VWC2L: variants seen among roughly 807,000 people sequenced by gnomAD.
VWC2L encodes the protein von Willebrand factor C domain containing 2 like.
In VWC2L, 10 loss-of-function variants were observed where a neutral mutation model predicts 21.6. The observed-to-expected ratio is 0.46, with a 90% CI of 0.29 to 0.78. The LOEUF is 0.78. VWC2L is among the 30% of genes least tolerant of loss of function. The pLI is 0.10. For synonymous variants in VWC2L, 96 were observed against 94.3 expected (o/e 1.02, Z -0.10); for missense variants, 209 against 277.1 (o/e 0.75, Z 1.74).
chr2:214,565,985 A>G lies in VWC2L; in HGVS notation c.521-9687A>G, dbSNP rs562302336. ...CCTTTTACTCCTATCTCTTTGAACC[A>G]CAGTGTTCTCAGCTGTAAAATGGGT... On this transcript the variant is annotated intron_variant, in intron 3 of 3. Coordinates refer to ENST00000312504, the MANE Select transcript of VWC2L (RefSeq NM_001080500.4). Among the ~76,000 whole-genome samples, 5 of 152,292 alleles carry G rather than the reference A, an allele frequency of 3.3e-5. No individual in the cohort carries two copies. The South Asian group carries it at 8.3e-4, about 25-fold the overall frequency.
rs574887926 is a variant in VWC2L, at chr2:214,577,184, AG to A, written c.*1367del. The A allele has an allele frequency of 5.4e-3, 829 of 152,268 alleles. 3 individuals are homozygous for A. Among genetic ancestry groups the A allele is most frequent in the Admixed American group, 7.9e-3 (121 of 15,294 alleles). The allele number at this position is 152,268 out of a possible 1,614,324, so 9.4% of individuals were successfully genotyped here. A position where few individuals can be genotyped will look rare whatever the true frequency, so the allele number is the denominator to read the frequency against. On this transcript the variant is annotated 3_prime_UTR_variant, in exon 4 of 4. Transcript: ENST00000312504. ...CTAAAAACCCTGGCACAGATCTGAT[AG>A]GGTCCTTGAAGAGACTTTACAGTTG...
chr2:214,523,496 CA>C (rs906891133), intron 3 of VWC2L, among the ~76,000 whole-genome samples: 7 of 149,560 alleles, frequency 4.7e-5, no homozygotes, highest in Non-Finnish European at 7.4e-5. Flanking sequence ...TTCTAAGATG[CA>C]AAAAAAAATT....
chr2:214,537,093 C>T (rs564324005), intron 3 of VWC2L, among the ~76,000 whole-genome samples: 13 of 151,940 alleles, frequency 8.6e-5, no homozygotes, highest in Non-Finnish European at 1.8e-4. Context: ...CCCCATCCCT[C>T]TCTCCCATAA....
intron 3 of VWC2L, among the ~76,000 whole-genome samples, chr2:214,498,800 A>C (rs1281333004): frequency 6.6e-6 from 1 of 150,408 alleles, no homozygotes; most frequent in Non-Finnish European, 1.5e-5. Flanking sequence ...TATACATATA[A>C]ATCTACCACT....
At position 214,575,937 on chromosome 2, in the gene VWC2L, C is replaced by T; in HGVS notation, c.*117C>T. 8.1e-7 allele frequency: 1 copy of T among 1,232,082 alleles called. No homozygotes were observed. The highest frequency in any genetic ancestry group is 1.1e-6 in the Non-Finnish European group (1 of 896,130). The allele number at this position is 1,232,082 out of a possible 1,614,324, so 76.3% of individuals were successfully genotyped here. ...CTGCCAGCTACAACAGGGTCACCAG[C>T]AAAACTTTCTAGGGTTGACAAAAGT... On this transcript the variant is annotated 3_prime_UTR_variant, in exon 4 of 4. Coordinates refer to ENST00000312504, the MANE Select transcript of VWC2L (RefSeq NM_001080500.4).
At chr2:214,535,863 T>C (rs1250424183) in intron 3 of VWC2L, among the ~76,000 whole-genome samples, 2 of 151,892 alleles carry the variant, frequency 1.3e-5, no homozygotes, top group African/African-American at 4.8e-5. Flanking sequence ...GATACAGGAC[T>C]CTGACCTTAT....
intron 3 of VWC2L, among the ~76,000 whole-genome samples, chr2:214,550,812 C>T (rs752111495): frequency 4.6e-5 from 7 of 152,294 alleles, no homozygotes; most frequent in Admixed American, 1.3e-4. Context: ...ACAGAGCGCA[C>T]GTTCAGAAAT....
At position 214,563,546 on chromosome 2, in the gene VWC2L, C is replaced by CAAAAAAAAA. The variant is rs55864016; in HGVS notation, c.521-12099_521-12091dup. On this transcript the variant is annotated intron_variant, in intron 3 of 3. Coordinates refer to ENST00000312504, the MANE Select transcript of VWC2L (RefSeq NM_001080500.4). Reference sequence around the variant, plus strand: ...TGGGTGACACAGCAAGACTCCGTCTCAAAAAAAAAAAAAAAAAAAAAAAAA... The same window carrying CAAAAAAAAA: ...TGGGTGACACAGCAAGACTCCGTCTCAAAAAAAAAAAAAAAAAAAAAAAAAAAAAAAAAA... Among the ~76,000 whole-genome samples the CAAAAAAAAA allele has an allele frequency of 4.5e-3, 433 of 95,806 alleles. 27 individuals carry two copies. Among genetic ancestry groups the CAAAAAAAAA allele is most frequent in the Non-Finnish European group, 6.8e-3 (326 of 48,166 alleles). The allele number at this position is 95,806 out of a possible 152,430, so 62.9% of individuals were successfully genotyped here.
intron 3 of VWC2L, among the ~76,000 whole-genome samples, chr2:214,532,335 C>T (rs1401635483): frequency 2.6e-5 from 4 of 151,922 alleles, no homozygotes; most frequent in African/African-American, 9.7e-5. Flanking sequence ...TTGCTTTGCG[C>T]ACATGGATAT....
In VWC2L at chr2:214,541,917, T is replaced by A. The variant is rs534693332; in HGVS notation, c.521-33755T>A. Among the ~76,000 whole-genome samples the A allele has an allele frequency of 1.6e-4, 24 of 151,630 alleles. No individual in the cohort carries two copies. The South Asian group carries it at 4.8e-3, about 30-fold the overall frequency. ...AAGAGTAAACACTGTTTACTGTTTTTTTTTTTCCCAGAGGTAAAAGTGTTG... is the reference window on the plus strand; with the variant it reads ...AAGAGTAAACACTGTTTACTGTTTTATTTTTTCCCAGAGGTAAAAGTGTTG... On this transcript the variant is annotated intron_variant, in intron 3 of 3. Transcript: ENST00000312504.
intron 3 of VWC2L, among the ~76,000 whole-genome samples, chr2:214,538,154 G>C (rs147252583): frequency 6.6e-6 from 1 of 152,052 alleles, no homozygotes; most frequent in African/African-American, 2.4e-5. Context: ...GACTGTGACA[G>C]ACAAAATAAG....
chr2:214,414,216 C>T lies in VWC2L; in HGVS notation c.23C>T (p.Ala8Val). The T allele has an allele frequency of 6.2e-7, 1 of 1,612,612 alleles. No homozygotes were observed. The highest frequency in any genetic ancestry group is 1.3e-5 in the African/African-American group (1 of 74,948). The change falls in exon 2 of 4, where the codon GCT becomes GTT. Residue 8 changes from alanine to valine, a missense_variant. By Grantham distance (64) the Ala-to-Val change is moderately conservative. Coordinates refer to ENST00000312504, the MANE Select transcript of VWC2L (RefSeq NM_001080500.4). The part of the protein sequence containing the change: MALHIHE[A>V]CILLLVIPGL... ...GGGATGGCTCTTCATATTCATGAAG[C>T]TTGCATACTTCTGTTGGTCATCCCT... is the stretch of plus-strand genomic sequence containing the variant.
At position 214,436,836 on chromosome 2, in the gene VWC2L, G is replaced by A. The variant is rs948840667; in HGVS notation, c.520+78G>A. The A allele has an allele frequency of 6.5e-6, 10 of 1,536,246 alleles. No individual in the cohort carries two copies. The African/African-American group carries it at 1.2e-4, about 19-fold the overall frequency. On this transcript the variant is annotated intron_variant, in intron 3 of 3. Transcript: ENST00000312504. ...ATTTCACTACTGCATACCATTCAAT[G>A]CAAGACCCCTCTAAGATCTGCCTGT... is the stretch of plus-strand genomic sequence containing the variant.
At chr2:214,537,496 G>A (rs1318877151) in intron 3 of VWC2L, among the ~76,000 whole-genome samples, 2 of 151,852 alleles carry the variant, frequency 1.3e-5, no homozygotes, top group African/African-American at 4.8e-5. Context: ...AGCAGAGAGT[G>A]GAATGGTGGT....
intron 3 of VWC2L, among the ~76,000 whole-genome samples, chr2:214,450,009 G>T (rs1180117712): frequency 6.6e-6 from 1 of 152,158 alleles, no homozygotes; most frequent in African/African-American, 2.4e-5. Context: ...TCCAAATTTT[G>T]AAAGCCTCCT....
intron 3 of VWC2L, among the ~76,000 whole-genome samples, chr2:214,516,413 T>G (rs935715840): frequency 6.6e-6 from 1 of 152,254 alleles, no homozygotes; most frequent in South Asian, 2.1e-4. Context: ...ATGAATCTTG[T>G]GAATCAACTG....
At chr2:214,480,745 T>C (rs551977703) in intron 3 of VWC2L, among the ~76,000 whole-genome samples, 8 of 151,794 alleles carry the variant, frequency 5.3e-5, no homozygotes, top group African/African-American at 1.4e-4. Flanking sequence ...GCACACTCCC[T>C]TCCTTAAAGT....
intron 3 of VWC2L, among the ~76,000 whole-genome samples, chr2:214,573,998 C>G (rs1262530096): frequency 1.3e-5 from 2 of 152,110 alleles, no homozygotes; most frequent in Non-Finnish European, 2.9e-5. Flanking sequence ...AAAAATTAGC[C>G]AGGTGTGATG....
At chr2:214,444,635 G>A (rs539327515) in intron 3 of VWC2L, among the ~76,000 whole-genome samples, 5 of 151,972 alleles carry the variant, frequency 3.3e-5, no homozygotes, top group Non-Finnish European at 5.9e-5. Flanking sequence ...CAACCTACCA[G>A]CTGTATTAAT....
Sources: allele counts gnomAD v4.1 joint callset (sites outside exome capture counted in the v4.1 genomes callset), GRCh38; gene constraint gnomAD v4.1.1; transcripts MANE v1.5; gene names NCBI Gene and HGNC (gene_info 2026-07-23, HGNC 2026-07-21).